The following AKT3 variants were observed in gnomAD, a reference collection of about 807,000 sequenced individuals.
AKT3 encodes AKT serine/threonine kinase 3, also known as RAC-gamma serine/threonine-protein kinase.
Under a neutral mutation model 65.3 loss-of-function variants are expected in AKT3, and 15 were observed. The observed-to-expected ratio is 0.23, with a 90% CI of 0.15 to 0.35. AKT3 has a LOEUF of 0.35. Among genes scored for constraint, AKT3 ranks in the 10% least tolerant of loss-of-function variants. AKT3 has a pLI of 1.00. For missense variants in AKT3, 243 were observed against 576.5 expected, an observed-to-expected ratio of 0.42 and a Z score of 5.92; for synonymous variants, 206 against 183.8, an observed-to-expected ratio of 1.12 and a Z score of -0.98.
intron 2 of AKT3, among the ~76,000 whole-genome samples, chr1:243,834,877 G>C (rs1289132314): frequency 6.6e-6 from 1 of 151,882 alleles, no homozygotes; most frequent in Non-Finnish European, 1.5e-5. Flanking sequence ...TTTTTCAAAA[G>C]ACGTATGAAT....
intron 12 of AKT3, among the ~76,000 whole-genome samples, chr1:243,513,627 G>C (rs1302730497): frequency 6.6e-6 from 1 of 152,156 alleles, no homozygotes; most frequent in Non-Finnish European, 1.5e-5. Flanking sequence ...TCAGTTTATG[G>C]TACATGCTAC....
intron 2 of AKT3, among the ~76,000 whole-genome samples, chr1:243,736,465 A>G (rs1687848927): frequency 6.6e-6 from 1 of 152,198 alleles, no homozygotes; most frequent in Non-Finnish European, 1.5e-5. Context: ...AAGGAACTAA[A>G]GAAGGCTGAA....
At chr1:243,682,371 C>T (rs1002381806) in intron 3 of AKT3, among the ~76,000 whole-genome samples, 4 of 152,140 alleles carry the variant, frequency 2.6e-5, no homozygotes, top group East Asian at 1.9e-4. Context: ...CAGTTTATAA[C>T]CTTTTTAGCT....
intron 2 of AKT3, among the ~76,000 whole-genome samples, chr1:243,723,387 C>T (rs1427670700): frequency 6.6e-6 from 1 of 152,168 alleles, no homozygotes; most frequent in African/African-American, 2.4e-5. Context: ...TAGAATTTAT[C>T]ACTTTGAAGC....
At chr1:243,765,855 G>C (rs887540472) in intron 2 of AKT3, among the ~76,000 whole-genome samples, 16 of 152,150 alleles carry the variant, frequency 1.1e-4, no homozygotes, top group African/African-American at 3.4e-4. Flanking sequence ...AAAATACCCT[G>C]CTGGCAGCTG....
intron 2 of AKT3, among the ~76,000 whole-genome samples, chr1:243,767,555 TTTAA>T (rs1269590832): frequency 3.9e-5 from 6 of 152,108 alleles, no homozygotes; most frequent in East Asian, 3.8e-4. Flanking sequence ...TAGATAACTT[TTTAA>T]TTAATACTTC....
chr1:243,835,370 T>C (rs1361895152), intron 2 of AKT3, among the ~76,000 whole-genome samples: 2 of 152,244 alleles, frequency 1.3e-5, no homozygotes, highest in East Asian at 1.9e-4. Context: ...AAACTACCTA[T>C]AGGGTACTAT....
intron 2 of AKT3, among the ~76,000 whole-genome samples, chr1:243,793,783 A>G (rs1691776982): frequency 6.6e-6 from 1 of 151,720 alleles, no homozygotes; most frequent in Non-Finnish European, 1.5e-5. Context: ...TCTCAAAAAA[A>G]AAAAAAAAGG....
intron 8 of AKT3, among the ~76,000 whole-genome samples, chr1:243,586,747 G>A (rs950909276): frequency 3.9e-5 from 6 of 152,004 alleles, no homozygotes; most frequent in African/African-American, 1.2e-4. Context: ...GGTTAAAAAG[G>A]GTGGAAAAAT....
intron 2 of AKT3, among the ~76,000 whole-genome samples, chr1:243,761,834 C>T (rs1190954912): frequency 6.6e-6 from 1 of 152,090 alleles, no homozygotes; most frequent in East Asian, 1.9e-4. Flanking sequence ...AATATGTACA[C>T]ATTTTAAGAA....
chr1:243,618,885 AG>A (rs1678536458), intron 6 of AKT3, among the ~76,000 whole-genome samples: 1 of 151,454 alleles, frequency 6.6e-6, no homozygotes, highest in Admixed American at 6.6e-5. Context: ...AGGGCAAACA[AG>A]AGGAGAAAAA....
At position 243,691,232 on chromosome 1, in the gene AKT3, A is replaced by G. The variant is rs1034897369; in HGVS notation, c.172+4359T>C. Among the ~76,000 whole-genome samples the G allele has an allele frequency of 2.0e-5, 3 of 152,204 alleles. No individual in the cohort carries two copies. The South Asian group carries it at 6.2e-4, about 31-fold the overall frequency. The stretch of plus-strand genomic sequence containing the variant: ...AAAAGCAGCATAGGTTGTACAGGGA[A>G]TTATAAACAGTTCAGTATTGCTGAT... On this transcript the variant is annotated intron_variant, in intron 3 of 13. Coordinates refer to ENST00000673466, the MANE Select transcript of AKT3 (RefSeq NM_005465.7).
rs1454809518 is a variant in AKT3, at chr1:243,645,959, T to C, written c.363A>G (p.Pro121=). The C allele has an allele frequency of 6.2e-7, 1 of 1,612,644 alleles. No homozygotes were observed. Among genetic ancestry groups the C allele is most frequent in the Admixed American group, 1.7e-5 (1 of 59,982 alleles). The change falls in exon 5 of 14, where the codon CCA becomes CCG. Residue 121 remains proline (P), a synonymous_variant. Coordinates refer to ENST00000673466, the MANE Select transcript of AKT3 (RefSeq NM_005465.7). ...CTCCTATATTATCAATTTGTGAAGT[T>C]GGACTACAATTCATTCTCTCCTCTT... ...RQEEERMNCS[P]TSQIDNIGEE... is the part of the protein sequence containing the mutation.
chr1:243,623,278 C>T (rs907784281), intron 6 of AKT3, among the ~76,000 whole-genome samples: 1 of 152,194 alleles, frequency 6.6e-6, no homozygotes, highest in African/African-American at 2.4e-5. Flanking sequence ...AAACCCTGGA[C>T]ACCAAGGCTC....
chr1:243,810,532 T>A (rs1264219882), intron 2 of AKT3, among the ~76,000 whole-genome samples: 1 of 151,986 alleles, frequency 6.6e-6, no homozygotes, highest in Non-Finnish European at 1.5e-5. Flanking sequence ...AGGCAATAAT[T>A]AATAGCTTAC....
At chr1:243,555,042 C>G in intron 10 of AKT3, among the ~76,000 whole-genome samples, 1 of 152,062 alleles carries the variant, frequency 6.6e-6, no homozygotes, top group Middle Eastern at 3.2e-3. Context: ...TTTTATTTAG[C>G]TTTGTAAAAT....
chr1:243,827,565 C>T (rs773492151), intron 2 of AKT3, among the ~76,000 whole-genome samples: 3 of 152,092 alleles, frequency 2.0e-5, no homozygotes, highest in Non-Finnish European at 4.4e-5. Flanking sequence ...TAGCTCCTAA[C>T]TGTGTAAGAT....
At chr1:243,780,954 G>A in intron 2 of AKT3, among the ~76,000 whole-genome samples, 1 of 151,870 alleles carries the variant, frequency 6.6e-6, no homozygotes, top group Non-Finnish European at 1.5e-5. Context: ...CAAACACTAA[G>A]AGGAATTACA....
intron 8 of AKT3, among the ~76,000 whole-genome samples, chr1:243,605,733 TC>T (rs1677355408): frequency 1.3e-5 from 2 of 152,196 alleles, no homozygotes; most frequent in East Asian, 3.8e-4. Context: ...TTTTTAGTGC[TC>T]CAAATACAGT....
Sources: allele counts gnomAD v4.1 joint callset (sites outside exome capture counted in the v4.1 genomes callset), GRCh38; gene constraint gnomAD v4.1.1; transcripts MANE v1.5; gene names NCBI Gene and HGNC (gene_info 2026-07-23, HGNC 2026-07-21).